Variants in PHEX observed in about 807,000 individuals in gnomAD.
PHEX encodes the protein phosphate regulating endopeptidase X-linked, also known as phosphate-regulating neutral endopeptidase PHEX.
In PHEX, 16 loss-of-function variants were observed where a neutral mutation model predicts 68.0. The ratio of observed to expected loss-of-function variants is 0.24; its 90% confidence interval spans 0.16 to 0.36. The LOEUF is 0.36. Among genes scored for constraint, PHEX ranks in the 10% least tolerant of loss-of-function variants. The pLI, the probability that PHEX is intolerant of heterozygous loss-of-function variation, is 1.00. For missense variants in PHEX, 480 were observed against 575.5 expected (o/e 0.83, Z 1.70); for synonymous variants, 208 against 205.1 (o/e 1.01, Z -0.12).
intron 3 of PHEX, among the ~76,000 whole-genome samples, chrX:22,055,850 G>A (rs760039493): frequency 6.4e-4 from 72 of 111,784 alleles, no homozygotes; most frequent in African/African-American, 2.1e-3. Flanking sequence ...GTGAGCCACC[G>A]CTCCCAGACA....
At chrX:22,127,199 C>T (rs1931775298) in intron 11 of PHEX, among the ~76,000 whole-genome samples, 1 of 110,855 alleles carries the variant, frequency 9.0e-6, no homozygotes, top group Non-Finnish European at 1.9e-5. Context: ...TTTAACAAAA[C>T]GTTGCTTTGC....
At chrX:22,094,684 G>A (rs1030363426) in intron 7 of PHEX, among the ~76,000 whole-genome samples, 1 of 111,677 alleles carries the variant, frequency 9.0e-6, no homozygotes, top group African/African-American at 3.3e-5. Flanking sequence ...TTATTTTCTT[G>A]CCCTACTTTA....
In PHEX at chrX:22,230,987, AG is replaced by A. The variant is rs779317470; in HGVS notation, c.2070+3380del. ...AGTTTACTGAGAGTTTTTAGCATCA[AG>A]GGGTGTTGAATTTTGTCAAAGGCCT... On this transcript the variant is annotated intron_variant, in intron 20 of 21. Coordinates refer to ENST00000379374, the MANE Select transcript of PHEX (RefSeq NM_000444.6). Among the ~76,000 whole-genome samples, 21 of 112,028 alleles carry A rather than the reference AG, an allele frequency of 1.9e-4. No individual in the cohort carries two copies. In the East Asian group the frequency reaches 5.9e-3, roughly 31 times the overall value.
chrX:22,113,943 CTTTTTTTTTTTTTT>C, intron 10 of PHEX, among the ~76,000 whole-genome samples: 1 of 63,982 alleles, frequency 1.6e-5, no homozygotes, highest in Admixed American at 2.0e-4. Flanking sequence ...TCTTCTTCTT[CTTTTTTTTTTTTTT>C]TTTTTTTTTC....
intron 5 of PHEX, among the ~76,000 whole-genome samples, chrX:22,081,495 T>C (rs12014635): frequency 0.08 from 8,949 of 111,712 alleles, 573 homozygotes; most frequent in African/African-American, 0.22. Context: ...TTCAATTTTC[T>C]TCGGTGTGCT....
intron 11 of PHEX, among the ~76,000 whole-genome samples, chrX:22,131,787 G>A (rs1932016171): frequency 8.9e-6 from 1 of 112,384 alleles, no homozygotes; most frequent in Admixed American, 9.4e-5. Context: ...TTCATTCTGG[G>A]GCCAAACCCA....
intron 13 of PHEX, among the ~76,000 whole-genome samples, chrX:22,176,847 C>CA (rs1278285663): frequency 9.0e-6 from 1 of 111,496 alleles, no homozygotes; most frequent in Non-Finnish European, 1.9e-5. Flanking sequence ...ACAGAACAAT[C>CA]ATGTAAACTG....
intron 21 of PHEX, 97 bp from the exon 22 acceptor site, chrX:22,247,754 C>A: frequency 1.6e-6 from 1 of 633,678 alleles, no homozygotes; most frequent in Non-Finnish European, 2.6e-6. Flanking sequence ...TAAAAGAATG[C>A]CAACCTTCTT....
intron 5 of PHEX, among the ~76,000 whole-genome samples, chrX:22,089,948 C>T (rs921028213): frequency 1.8e-5 from 2 of 111,720 alleles, no homozygotes; most frequent in African/African-American, 3.3e-5. Flanking sequence ...GAGTTGGAAA[C>T]GTCTGATTAA....
chrX:22,037,231 T>C (rs1927069923), intron 1 of PHEX, among the ~76,000 whole-genome samples: 1 of 110,990 alleles, frequency 9.0e-6, no homozygotes, highest in African/African-American at 3.3e-5. Context: ...AAAAGCAGGC[T>C]CCATTTAGAG....
chrX:22,227,251 C>CT (rs756617403), intron 19 of PHEX, among the ~76,000 whole-genome samples: 36 of 112,500 alleles, frequency 3.2e-4, no homozygotes, highest in African/African-American at 1.2e-3. Context: ...GAAAGAACAG[C>CT]TTTTTTTCTC....
At chrX:22,245,232 G>C (rs1457380754) in intron 20 of PHEX, 101 bp from the exon 21 acceptor site, 2 of 625,658 alleles carry the variant, frequency 3.2e-6, no homozygotes, top group Middle Eastern at 3.0e-4. Context: ...GTCATCCATT[G>C]GTTCTAAAAT....
At chrX:22,046,598 A>C in intron 2 of PHEX, among the ~76,000 whole-genome samples, 1 of 87,075 alleles carries the variant, frequency 1.1e-5, no homozygotes, top group Non-Finnish European at 2.2e-5. Flanking sequence ...AGACAGGTTC[A>C]CTCTGTCACC....
intron 3 of PHEX, among the ~76,000 whole-genome samples, chrX:22,062,026 G>A (rs1287223249): frequency 9.0e-6 from 1 of 111,270 alleles, no homozygotes; most frequent in Non-Finnish European, 1.9e-5. Context: ...AGGGCAAACT[G>A]CCTTATAAAA....
intron 12 of PHEX, among the ~76,000 whole-genome samples, chrX:22,135,095 G>C (rs1317554452): frequency 8.9e-6 from 1 of 112,213 alleles, no homozygotes; most frequent in Non-Finnish European, 1.9e-5. Flanking sequence ...AAAGGCGTTT[G>C]TTCAGTGTTT....
At chrX:22,076,351 G>C (rs934242477) in intron 3 of PHEX, 37 bp from the exon 4 acceptor site, 2 of 1,007,388 alleles carry the variant, frequency 2.0e-6, no homozygotes, top group Non-Finnish European at 2.8e-6. Context: ...CACCATATGT[G>C]GGTGGATACT....
In PHEX at chrX:22,248,292, A is replaced by G. The variant is rs773553690; in HGVS notation, c.*339A>G. ...TATGTGGTACATAGCATTTCAATCT[A>G]TAGCTTTGTGGGAAGCCTAAATTGA... On this transcript the variant is annotated 3_prime_UTR_variant, in exon 22 of 22. Coordinates refer to ENST00000379374, the MANE Select transcript of PHEX (RefSeq NM_000444.6). 1.9e-4 allele frequency: 44 copies of G among 234,959 alleles called. No individual in the cohort carries two copies. The highest frequency in any genetic ancestry group is 2.8e-4 in the Non-Finnish European group (36 of 130,493). The allele number at this position is 234,959 out of a possible 1,213,427, so 19.4% of individuals were successfully genotyped here.
chrX:22,176,207 C>A (rs753113899), intron 13 of PHEX, among the ~76,000 whole-genome samples: 124 of 109,706 alleles, frequency 1.1e-3, no homozygotes, highest in Non-Finnish European at 2.1e-3. Context: ...GCCAACATGG[C>A]AAGACCGCAT....
intron 3 of PHEX, among the ~76,000 whole-genome samples, chrX:22,066,291 T>C (rs1441278021): frequency 8.9e-6 from 1 of 112,124 alleles, no homozygotes; most frequent in Non-Finnish European, 1.9e-5. Flanking sequence ...GGCCCCATCA[T>C]GTTGATCTAT....
Sources: allele counts gnomAD v4.1 joint callset (sites outside exome capture counted in the v4.1 genomes callset), GRCh38; gene constraint gnomAD v4.1.1; transcripts MANE v1.5; gene names NCBI Gene and HGNC (gene_info 2026-07-23, HGNC 2026-07-21).